COL4A2: variants seen among roughly 807,000 people sequenced by gnomAD.
The protein encoded by COL4A2 is collagen alpha-2(IV) chain.
In COL4A2, 99 loss-of-function variants were observed where a neutral mutation model predicts 200.2. That is an observed-to-expected ratio of 0.49 (90% CI 0.42 to 0.58). The LOEUF (loss-of-function observed/expected upper bound fraction) is 0.58. Ranked by LOEUF, COL4A2 falls within the 20% of genes least tolerant of loss-of-function variation. The probability of loss-of-function intolerance (pLI) is 0.00; values close to 1 mark genes in which losing one functional copy is unlikely to be tolerated. For synonymous variants in COL4A2, 897 were observed against 900.6 expected, an observed-to-expected ratio of 1.00 and a Z score of 0.07; for missense variants, 1,950 against 2,314.1, an observed-to-expected ratio of 0.84 and a Z score of 3.23.
At chr13:110,464,130 C>T (rs746223624) in intron 24 of COL4A2, among the ~76,000 whole-genome samples, 20 of 152,044 alleles carry the variant, frequency 1.3e-4, no homozygotes, top group Non-Finnish European at 2.2e-4. Flanking sequence ...GTAGTGGTGG[C>T]CTTCCCTGGA....
chr13:110,492,190 A>C lies in COL4A2; in HGVS notation c.3562+13A>C. The C allele has an allele frequency of 6.5e-7, 1 of 1,549,958 alleles. No individual in the cohort carries two copies. Among genetic ancestry groups the C allele is most frequent in the East Asian group, 2.4e-5 (1 of 40,920 alleles). On this transcript the variant is annotated intron_variant, in intron 38 of 47. Transcript: ENST00000360467. ...CCGGGCTTACCAGGTAAGGTCACGT[A>C]AAACACGTGGTCACCCAGACCCAGA...
At chr13:110,418,109 G>A (rs959567619) in intron 4 of COL4A2, among the ~76,000 whole-genome samples, 1 of 152,048 alleles carries the variant, frequency 6.6e-6, no homozygotes, top group Admixed American at 6.5e-5. Flanking sequence ...TCTCTCTGTG[G>A]ATTTAATTTG....
At chr13:110,323,671 C>G (rs1007574024) in intron 3 of COL4A2, among the ~76,000 whole-genome samples, 2 of 152,146 alleles carry the variant, frequency 1.3e-5, no homozygotes, top group Admixed American at 1.3e-4. Context: ...GGGGCTTCCT[C>G]CTCCACACCA....
At chr13:110,322,604 T>A (rs1210856809) in intron 3 of COL4A2, among the ~76,000 whole-genome samples, 2 of 152,118 alleles carry the variant, frequency 1.3e-5, no homozygotes, top group African/African-American at 4.8e-5. Context: ...CAGGCCTAGA[T>A]CTTCCCCATG....
intron 29 of COL4A2, among the ~76,000 whole-genome samples, chr13:110,474,369 T>C (rs1882596201): frequency 6.6e-6 from 1 of 152,080 alleles, no homozygotes; most frequent in South Asian, 2.1e-4. Context: ...GGAGCATGAA[T>C]TGGTTTTCGG....
At chr13:110,378,474 C>T (rs1323886597) in intron 4 of COL4A2, among the ~76,000 whole-genome samples, 1 of 152,176 alleles carries the variant, frequency 6.6e-6, no homozygotes, top group Non-Finnish European at 1.5e-5. Context: ...AGAACCAGGC[C>T]CTTTCCTCCG....
At chr13:110,415,880 A>G (rs1469633903) in intron 4 of COL4A2, among the ~76,000 whole-genome samples, 4 of 152,214 alleles carry the variant, frequency 2.6e-5, no homozygotes, top group Non-Finnish European at 4.4e-5. Flanking sequence ...TGACAGTCAC[A>G]TGGCACAATG....
Position 110,492,071 on chromosome 13 carries a change from C to T in COL4A2, c.3456C>T (p.Gly1152=), listed in dbSNP as rs1446761078. 1.9e-6 allele frequency: 3 copies of T among 1,551,410 alleles called. No individual in the cohort carries two copies. Among genetic ancestry groups the T allele is most frequent in the Non-Finnish European group, 2.6e-6 (3 of 1,146,832 alleles). The change falls in exon 38 of 48, where the codon GGC becomes GGT. Residue 1152 remains glycine (G), a splice_region_variant and synonymous_variant. Coordinates refer to ENST00000360467, the MANE Select transcript of COL4A2 (RefSeq NM_001846.4). Reference sequence around the variant, plus strand: ...ACTTAATGCTGTGTTCACCCCCAGGCTTTCCAGGGCTGACTGGGCCTCCAG... The same window carrying T: ...ACTTAATGCTGTGTTCACCCCCAGGTTTTCCAGGGCTGACTGGGCCTCCAG... ...QGPPGLKGQT[G]FPGLTGPPGS...
intron 45 of COL4A2, among the ~76,000 whole-genome samples, chr13:110,505,199 A>C (rs1406522784): frequency 6.6e-6 from 1 of 151,342 alleles, no homozygotes; most frequent in Non-Finnish European, 1.5e-5. Flanking sequence ...AAATACAAAA[A>C]ATTAGCCGGG....
Position 110,425,127 on chromosome 13 carries a change from C to T in COL4A2, c.360+130C>T, listed in dbSNP as rs114913603. The T allele has an allele frequency of 2.0e-3, 2,076 of 1,017,694 alleles. 18 individuals are homozygous for T. The African/African-American group carries it at 0.025, about 12-fold the overall frequency. The allele number at this position is 1,017,694 out of a possible 1,614,324, so 63.0% of individuals were successfully genotyped here. On this transcript the variant is annotated intron_variant, in intron 6 of 47. Transcript: ENST00000360467. ...TGACATAAAACACGTGGGGACTATACGTGCGTATTCTCCCCGCGGAATTCA... is the reference window on the plus strand; with the variant it reads ...TGACATAAAACACGTGGGGACTATATGTGCGTATTCTCCCCGCGGAATTCA...
chr13:110,326,892 C>T (rs1012168146), intron 3 of COL4A2, among the ~76,000 whole-genome samples: 2 of 152,218 alleles, frequency 1.3e-5, no homozygotes, highest in African/African-American at 2.4e-5. Flanking sequence ...GTCACCCGCC[C>T]GCTCAAGAGC....
intron 32 of COL4A2, 95 bp from the exon 33 acceptor site, chr13:110,484,810 C>T (rs953709840): frequency 2.6e-5 from 38 of 1,439,582 alleles, no homozygotes; most frequent in South Asian, 4.8e-5. Flanking sequence ...TTGGGGGAGA[C>T]GTGCAGCCCT....
At chr13:110,486,520 C>T (rs1056189072) in intron 34 of COL4A2, among the ~76,000 whole-genome samples, 3 of 152,138 alleles carry the variant, frequency 2.0e-5, no homozygotes, top group African/African-American at 7.2e-5. Flanking sequence ...TCTCACAGTC[C>T]CTAGCACACG....
chr13:110,452,157 C>T (rs995884404), intron 20 of COL4A2, among the ~76,000 whole-genome samples: 15 of 136,410 alleles, frequency 1.1e-4, no homozygotes, highest in Admixed American at 2.9e-4. Context: ...TGTTTTGAGA[C>T]GGAGTCTCGC....
Position 110,469,273 on chromosome 13 carries a change from C to T in COL4A2, c.2152C>T (p.Pro718Ser), listed in dbSNP as rs9583500. The T allele has an allele frequency of 0.2, 319,247 of 1,602,244 alleles. 34,521 individuals carry two copies. Among genetic ancestry groups the T allele is most frequent in the Middle Eastern group, 0.33 (1,952 of 5,936 alleles). The change falls in exon 28 of 48, where the codon CCC becomes TCC. Residue 718 changes from proline to serine, a missense_variant. Around this residue, in one of 2 missense-constraint regions of COL4A2, gnomAD observed 1,385 missense variants for 1,720.5 expected, o/e 0.80. Coordinates refer to ENST00000360467, the MANE Select transcript of COL4A2 (RefSeq NM_001846.4). ...CGCAGGAGCTGATGGAGGACCAGGG[C>T]CCAGGGGCTTGCCAGGAGACGCAGG... ...GFAGADGGPG[P>S]RGLPGDAGRE...
At chr13:110,430,228 A>G in intron 8 of COL4A2, 173 bp from the exon 9 acceptor site, 1 of 808,434 alleles carries the variant, frequency 1.2e-6, no homozygotes, top group Non-Finnish European at 1.7e-6. Context: ...TTACTAAAAT[A>G]TATTCTGACT....
chr13:110,372,901 G>T (rs1481036783), intron 4 of COL4A2, among the ~76,000 whole-genome samples: 1 of 152,192 alleles, frequency 6.6e-6, no homozygotes, highest in Admixed American at 6.5e-5. Context: ...GTCATGGAAG[G>T]TCATTGTTCT....
chr13:110,468,398 T>C (rs1882336287), intron 27 of COL4A2: 2 of 457,340 alleles, frequency 4.4e-6, no homozygotes, highest in Non-Finnish European at 9.1e-6. Flanking sequence ...ATGTCTCAGG[T>C]GGTCAGGGAG....
At chr13:110,504,592 C>A (rs369396410) in intron 45 of COL4A2, among the ~76,000 whole-genome samples, 1 of 152,180 alleles carries the variant, frequency 6.6e-6, no homozygotes, top group Non-Finnish European at 1.5e-5. Context: ...AGCCGCACTG[C>A]GAAGCCCTGT....
Sources: gnomAD v4.1 joint callset for allele counts (sites outside exome capture counted in the v4.1 genomes callset) on GRCh38, gnomAD v4.1.1 for gene constraint, gnomAD v4.1.1 regional missense constraint, MANE v1.5 for transcripts, NCBI Gene and HGNC (gene_info 2026-07-23, HGNC 2026-07-21) for gene names.